Variants in NOSIP observed in about 807,000 individuals in gnomAD.
NOSIP encodes the protein nitric oxide synthase-interacting protein.
Under a neutral mutation model 36.4 loss-of-function variants are expected in NOSIP, and 25 were observed. The observed-to-expected ratio is 0.69, with a 90% CI of 0.50 to 0.96. The LOEUF (loss-of-function observed/expected upper bound fraction) is 0.96. Among genes scored for constraint, NOSIP ranks in the 40% least tolerant of loss-of-function variants. The pLI, the probability that NOSIP is intolerant of heterozygous loss-of-function variation, is 0.00. For synonymous variants in NOSIP, 187 were observed against 179.2 expected (o/e 1.04, Z -0.35); for missense variants, 370 against 429.0 (o/e 0.86, Z 1.21).
intron 5 of NOSIP, 37 bp from the exon 6 acceptor site, chr19:49,557,030 G>A (rs1286895279): frequency 6.9e-6 from 11 of 1,592,670 alleles, no homozygotes; most frequent in Non-Finnish European, 9.4e-6. Flanking sequence ...GCCGCCCCCT[G>A]GGCCCGCCCA....
chr19:49,570,522 C>A (rs76392215), intron 1 of NOSIP, among the ~76,000 whole-genome samples: 164 of 152,248 alleles, frequency 1.1e-3, no homozygotes, highest in African/African-American at 3.7e-3. Context: ...ACCTTCCTAT[C>A]ACGCTAAATA....
intron 1 of NOSIP, among the ~76,000 whole-genome samples, chr19:49,570,217 T>G (rs916576793): frequency 6.6e-6 from 1 of 152,134 alleles, no homozygotes; most frequent in Non-Finnish European, 1.5e-5. Context: ...AGCCTGCAAG[T>G]AGGATCCAGA....
intron 1 of NOSIP, among the ~76,000 whole-genome samples, chr19:49,576,767 C>T (rs2080558346): frequency 6.6e-6 from 1 of 151,406 alleles, no homozygotes; most frequent in Admixed American, 6.6e-5. Flanking sequence ...ACCTGTAATC[C>T]CAGCTACTCG....
chr19:49,556,495 G>T, intron 7 of NOSIP, 54 bp downstream of exon 7: 2 of 1,608,382 alleles, frequency 1.2e-6, no homozygotes, highest in South Asian at 1.1e-5. Context: ...CCCAAAGCCG[G>T]ACCGCCCCGC....
At chr19:49,578,685 C>T (rs543762601) in intron 1 of NOSIP, among the ~76,000 whole-genome samples, 2 of 150,510 alleles carry the variant, frequency 1.3e-5, no homozygotes, top group East Asian at 3.9e-4. Context: ...CTCACTCTGT[C>T]GCCCAGGCTA....
At chr19:49,567,933 T>A (rs528454594) in intron 1 of NOSIP, among the ~76,000 whole-genome samples, 56 of 151,318 alleles carry the variant, frequency 3.7e-4, no homozygotes, top group Non-Finnish European at 3.7e-4. Flanking sequence ...CCACCTTGGC[T>A]TCTCAAAGTG....
chr19:49,564,905 CAG>C (rs2080385911), intron 1 of NOSIP, among the ~76,000 whole-genome samples: 1 of 152,128 alleles, frequency 6.6e-6, no homozygotes, highest in African/African-American at 2.4e-5. Flanking sequence ...GGCGAGACAC[CAG>C]ACACGCAAAA....
intron 1 of NOSIP, among the ~76,000 whole-genome samples, chr19:49,574,987 C>T (rs937919825): frequency 3.3e-5 from 5 of 151,364 alleles, no homozygotes; most frequent in East Asian, 1.9e-4. Flanking sequence ...CTCAGCCTCC[C>T]GAGTAGCTGG....
rs1021528906 is a variant in NOSIP, at chr19:49,572,902, G to A, written c.-2+7613C>T. Among the ~76,000 whole-genome samples the A allele has an allele frequency of 4.0e-5, 6 of 149,896 alleles. No homozygotes were observed. The East Asian group carries it at 1.2e-3, about 30-fold the overall frequency. On this transcript the variant is annotated intron_variant, in intron 1 of 8. Coordinates refer to ENST00000596358, the MANE Select transcript of NOSIP (RefSeq NM_001270960.2). ...GGCAGGAGAATCGCTTGAACCTGGGGGCAGAGGTTGCAGTGAGCCAAGATC... is the reference window on the plus strand; with the variant it reads ...GGCAGGAGAATCGCTTGAACCTGGGAGCAGAGGTTGCAGTGAGCCAAGATC...
In NOSIP at chr19:49,555,766, C is replaced by A. The variant is rs151233389; in HGVS notation, c.891G>T (p.Pro297=). 1.2e-6 allele frequency: 2 copies of A among 1,613,320 alleles called. No homozygotes were observed. Among genetic ancestry groups the A allele is most frequent in the Non-Finnish European group, 8.5e-7 (1 of 1,179,690 alleles). The change falls in exon 9 of 9, where the codon CCG becomes CCT. Residue 297 remains proline (P), a synonymous_variant. Transcript: ENST00000596358. ...GVKLQAEKSR[P]VMQA The stretch of plus-strand genomic sequence containing the variant: ...CCGCACACACTCAGGCCTGCATCAC[C>A]GGCCGTGATTTCTCCGCTTGCAGCT...
At chr19:49,562,480 T>C (rs555751419) in intron 1 of NOSIP, among the ~76,000 whole-genome samples, 18 of 152,006 alleles carry the variant, frequency 1.2e-4, no homozygotes, top group Non-Finnish European at 2.2e-4. Context: ...GGCTCACGCC[T>C]GTAATCCCAA....
intron 1 of NOSIP, among the ~76,000 whole-genome samples, chr19:49,574,136 A>G (rs887042600): frequency 2.0e-5 from 3 of 152,160 alleles, no homozygotes; most frequent in Admixed American, 6.6e-5. Context: ...TGCTGGGATT[A>G]CAGGCATGAG....
chr19:49,556,293 G>T (rs557974024), intron 8 of NOSIP, 24 bp downstream of exon 8: 5 of 1,369,482 alleles, frequency 3.7e-6, no homozygotes, highest in African/African-American at 1.6e-5. Context: ...AGTGCTGGGG[G>T]AAGGGGAGGG....
chr19:49,579,060 C>T (rs1282667293), intron 1 of NOSIP: 2 of 152,006 alleles, frequency 1.3e-5, no homozygotes, highest in African/African-American at 4.8e-5. Context: ...ATCGATTACA[C>T]CAAGAAATAA....
intron 1 of NOSIP, among the ~76,000 whole-genome samples, chr19:49,568,872 G>A (rs1478198728): frequency 2.0e-5 from 3 of 147,000 alleles, no homozygotes; most frequent in East Asian, 4.0e-4. Context: ...GCGCAATCTC[G>A]GCTCACTGCA....
chr19:49,560,819 G>C lies in NOSIP; in HGVS notation c.-1-127C>G. ...AAGCGGAGGCGGAGAAGGGGGGTGA[G>C]GTGGAAGAGAGGGAGGGCATGTGGT... On this transcript the variant is annotated intron_variant, in intron 1 of 8. Transcript: ENST00000596358. This position sits in a 1 kb window ranked among gnomAD's most constrained non-coding sequence, Gnocchi z 4.6. The C allele has an allele frequency of 1.3e-6, 1 of 743,074 alleles. No individual in the cohort carries two copies. Among genetic ancestry groups the C allele is most frequent in the Non-Finnish European group, 2.3e-6 (1 of 433,308 alleles). 46.0% of individuals were successfully genotyped at this position (743,074 alleles called of 1,614,324 possible).
intron 1 of NOSIP, chr19:49,566,785 A>G (rs1056365768): frequency 4.4e-5 from 6 of 135,220 alleles, no homozygotes; most frequent in Non-Finnish European, 9.0e-5. Flanking sequence ...ATATAAATAC[A>G]TATACATACA....
At chr19:49,579,385 G>T (rs900575305) in intron 1 of NOSIP, 1 of 152,166 alleles carries the variant, frequency 6.6e-6, no homozygotes, top group Non-Finnish European at 1.5e-5. Context: ...TCATGCTAAA[G>T]TTCCATGCTT....
At chr19:49,576,330 CAA>C (rs979970245) in intron 1 of NOSIP, among the ~76,000 whole-genome samples, 1 of 150,668 alleles carries the variant, frequency 6.6e-6, no homozygotes, top group African/African-American at 2.4e-5. Flanking sequence ...CTGTCTCTAC[CAA>C]AAAAAAGCAG....
Sources: gnomAD v4.1 joint callset for allele counts (sites outside exome capture counted in the v4.1 genomes callset) on GRCh38, gnomAD v4.1.1 for gene constraint, Gnocchi (gnomAD v3.1) non-coding constraint, MANE v1.5 for transcripts, NCBI Gene and HGNC (gene_info 2026-07-23, HGNC 2026-07-21) for gene names.